RIMS2: variants seen among roughly 807,000 people sequenced by gnomAD.
RIMS2 encodes the protein regulating synaptic membrane exocytosis protein 2.
A neutral mutation model predicts 174.4 loss-of-function variants in RIMS2; 59 were observed. The observed-to-expected ratio is 0.34, with a 90% CI of 0.27 to 0.42. The LOEUF (loss-of-function observed/expected upper bound fraction) is 0.42. Ranked by LOEUF, RIMS2 falls within the 10% of genes least tolerant of loss-of-function variation. The probability of loss-of-function intolerance (pLI) is 1.00; values close to 1 mark genes in which losing one functional copy is unlikely to be tolerated. For synonymous variants in RIMS2, 606 were observed against 572.5 expected (o/e 1.06, Z -0.84); for missense variants, 1,620 against 1,666.3 (o/e 0.97, Z 0.48).
intron 4 of RIMS2, among the ~76,000 whole-genome samples, chr8:103,903,262 A>G (rs143630000): frequency 2.2e-4 from 33 of 152,230 alleles, no homozygotes; most frequent in African/African-American, 7.0e-4. Context: ...GGGTGAAGTC[A>G]GTATATTAGT....
In RIMS2 at chr8:104,017,179, G is replaced by A. The variant is rs567056382; in HGVS notation, c.3334+2564G>A. Among the ~76,000 whole-genome samples, 19 of 151,508 alleles carry A rather than the reference G, an allele frequency of 1.3e-4. 1 individual carries two copies. Among genetic ancestry groups the A allele is most frequent in the South Asian group, 4.2e-4 (2 of 4,782 alleles). On this transcript the variant is annotated intron_variant, in intron 19 of 23. Transcript: ENST00000504942. ...ATATATAATATCTCTTTTAGAAATCGCAACTTCAGTTAATCTTCAGTAAGT... is the reference window on the plus strand; with the variant it reads ...ATATATAATATCTCTTTTAGAAATCACAACTTCAGTTAATCTTCAGTAAGT...
In RIMS2 at chr8:104,076,703, A is replaced by G. The variant is rs186083496; in HGVS notation, c.3334+62088A>G. 6.6e-3 allele frequency among the ~76,000 whole-genome samples: 1,002 copies of G among 151,930 alleles called. 4 individuals are homozygous for G. The highest frequency in any genetic ancestry group is 9.4e-3 in the Non-Finnish European group (639 of 67,952). ...ACCAAACTGCCTAGATTAAAACCCT[A>G]CCTCTTATACTATCTGTATGACCTT... On this transcript the variant is annotated intron_variant, in intron 19 of 23. Transcript: ENST00000504942.
intron 1 of RIMS2, among the ~76,000 whole-genome samples, chr8:103,609,803 G>A (rs1019236693): frequency 6.6e-6 from 1 of 152,012 alleles, no homozygotes; most frequent in Non-Finnish European, 1.5e-5. Context: ...GGATTGCCGT[G>A]GCTATTTCTG....
Position 104,060,043 on chromosome 8 carries a change from T to A in RIMS2, c.3334+45428T>A, listed in dbSNP as rs546312497. On this transcript the variant is annotated intron_variant, in intron 19 of 23. Transcript: ENST00000504942. ...GGTCTAAAATTCTCTTTTTTGGTTG[T>A]GTCTCTGCCCGGCTTTGGTATCAGG... 5.8e-4 allele frequency among the ~76,000 whole-genome samples: 88 copies of A among 152,082 alleles called. 1 individual carries two copies. The highest frequency in any genetic ancestry group is 2.0e-3 in the African/African-American group (84 of 41,464).
intron 19 of RIMS2, among the ~76,000 whole-genome samples, chr8:104,132,679 T>C (rs1441660736): frequency 6.6e-6 from 1 of 152,198 alleles, no homozygotes; most frequent in Non-Finnish European, 1.5e-5. Flanking sequence ...GTATCATACC[T>C]GTACGGTAAG....
intron 15 of RIMS2, among the ~76,000 whole-genome samples, chr8:103,968,696 A>G (rs766474508): frequency 6.6e-6 from 1 of 152,092 alleles, no homozygotes; most frequent in Non-Finnish European, 1.5e-5. Context: ...ATAATTGAAT[A>G]CATTGTTGCT....
At chr8:104,238,612 A>T (rs1051744310) in intron 19 of RIMS2, among the ~76,000 whole-genome samples, 2 of 152,134 alleles carry the variant, frequency 1.3e-5, no homozygotes, top group African/African-American at 4.8e-5. Flanking sequence ...TAGAATTTAC[A>T]ATTATTGATT....
intron 1 of RIMS2, among the ~76,000 whole-genome samples, chr8:103,508,673 T>G (rs568084306): frequency 6.6e-6 from 1 of 152,174 alleles, no homozygotes; most frequent in Non-Finnish European, 1.5e-5. Flanking sequence ...TAATTAGACT[T>G]CTGTTGGAAC....
intron 3 of RIMS2, among the ~76,000 whole-genome samples, chr8:103,789,399 A>T (rs940589366): frequency 6.6e-6 from 1 of 152,046 alleles, no homozygotes; most frequent in African/African-American, 2.4e-5. Flanking sequence ...GGCTAACATG[A>T]TTTATCAGAC....
chr8:103,778,613 A>G (rs2098345785), intron 3 of RIMS2, among the ~76,000 whole-genome samples: 1 of 152,134 alleles, frequency 6.6e-6, no homozygotes, highest in African/African-American at 2.4e-5. Context: ...GCCAAATAAT[A>G]TTCCATTCTA....
intron 1 of RIMS2, among the ~76,000 whole-genome samples, chr8:103,542,887 C>G (rs1427870052): frequency 2.0e-5 from 3 of 152,072 alleles, no homozygotes; most frequent in Non-Finnish European, 4.4e-5. Flanking sequence ...ACAATACAGG[C>G]GTTACATCAC....
chr8:104,065,289 C>T (rs1245802002), intron 19 of RIMS2, among the ~76,000 whole-genome samples: 3 of 151,902 alleles, frequency 2.0e-5, no homozygotes, highest in African/African-American at 7.2e-5. Context: ...AGAGCTGAAA[C>T]GAAGCTTAGG....
At chr8:103,991,731 T>C (rs1254822043) in intron 17 of RIMS2, among the ~76,000 whole-genome samples, 3 of 152,186 alleles carry the variant, frequency 2.0e-5, no homozygotes, top group Non-Finnish European at 4.4e-5. Flanking sequence ...TTATTGAATG[T>C]ATATATTTTA....
intron 2 of RIMS2, among the ~76,000 whole-genome samples, chr8:103,755,445 C>G (rs570571841): frequency 6.6e-6 from 1 of 152,148 alleles, no homozygotes; most frequent in South Asian, 2.1e-4. Flanking sequence ...TTATGGTGTT[C>G]TTTATATTTC....
chr8:103,766,323 C>T, exon 3 of RIMS2: 1 of 1,613,242 alleles, frequency 6.2e-7, no homozygotes, highest in South Asian at 1.1e-5. Flanking sequence ...ACCACAGCAA[C>T]CTGATCAAAA....
intron 2 of RIMS2, among the ~76,000 whole-genome samples, chr8:103,739,188 AC>A (rs1236245282): frequency 2.0e-5 from 3 of 152,224 alleles, no homozygotes; most frequent in Non-Finnish European, 4.4e-5. Context: ...ATCATGGAAT[AC>A]TATGCAGCCA....
chr8:103,754,480 T>C (rs1261932030), intron 2 of RIMS2, among the ~76,000 whole-genome samples: 1 of 152,196 alleles, frequency 6.6e-6, no homozygotes, highest in Non-Finnish European at 1.5e-5. Context: ...TTCCTGGATA[T>C]CGTTTTTAAC....
intron 19 of RIMS2, among the ~76,000 whole-genome samples, chr8:104,182,139 A>G (rs1431360402): frequency 6.6e-6 from 1 of 151,790 alleles, no homozygotes; most frequent in East Asian, 1.9e-4. Context: ...GAAACTTTAA[A>G]TCCCACAAAC....
intron 19 of RIMS2, among the ~76,000 whole-genome samples, chr8:104,102,602 A>C (rs1039213398): frequency 2.0e-5 from 3 of 152,196 alleles, no homozygotes; most frequent in Non-Finnish European, 4.4e-5. Context: ...ATAAAGAAAA[A>C]GAGGTTTAAT....
Sources: gnomAD v4.1 joint callset for allele counts (sites outside exome capture counted in the v4.1 genomes callset) on GRCh38, gnomAD v4.1.1 for gene constraint, MANE v1.5 for transcripts, NCBI Gene and HGNC (gene_info 2026-07-23, HGNC 2026-07-21) for gene names.